The following ANTXR2 variants were observed in gnomAD, a reference collection of about 807,000 sequenced individuals.
The protein encoded by ANTXR2 is ANTXR cell adhesion molecule 2, also known as anthrax toxin receptor 2.
ANTXR2 carries 44 observed loss-of-function variants against 73.7 expected under a neutral mutation model. The observed-to-expected ratio is 0.60, with a 90% CI of 0.47 to 0.77. The LOEUF (loss-of-function observed/expected upper bound fraction) is 0.77. Ranked by LOEUF, ANTXR2 falls within the 30% of genes least tolerant of loss-of-function variation. The pLI, the probability that ANTXR2 is intolerant of heterozygous loss-of-function variation, is 0.00. For missense variants in ANTXR2, 604 were observed against 592.5 expected, an observed-to-expected ratio of 1.02 and a Z score of -0.20; for synonymous variants, 217 against 205.9, an observed-to-expected ratio of 1.05 and a Z score of -0.46.
chr4:79,948,348 A>C (rs1728586341), intron 16 of ANTXR2, among the ~76,000 whole-genome samples: 2 of 152,182 alleles, frequency 1.3e-5, no homozygotes, highest in Admixed American at 1.3e-4. Flanking sequence ...AAAAGCTGAC[A>C]TTTGAATCTG....
chr4:79,957,455 A>T (rs1300320876), intron 16 of ANTXR2, among the ~76,000 whole-genome samples: 3 of 152,126 alleles, frequency 2.0e-5, no homozygotes, highest in African/African-American at 7.2e-5. Flanking sequence ...ATGTATCTCA[A>T]AGCCAAATTT....
At chr4:79,985,208 G>A (rs937769418) in intron 12 of ANTXR2, among the ~76,000 whole-genome samples, 5 of 151,850 alleles carry the variant, frequency 3.3e-5, no homozygotes, top group African/African-American at 1.2e-4. Flanking sequence ...AAATTAGCCG[G>A]GCGTGGTGGC....
chr4:80,071,786 CT>C (rs1024597042), intron 1 of ANTXR2, 132 bp from the exon 2 acceptor site: 10 of 682,018 alleles, frequency 1.5e-5, no homozygotes, highest in Non-Finnish European at 2.5e-5. Context: ...GTAAGGGTAT[CT>C]GTAGCTGAAA....
rs1416390796 is a variant in ANTXR2 at position 79,907,027 on chromosome 4, A to C, written c.*402T>G. ...ATAAAAACACAAGTGCCATGTTTCC[A>C]TGTAAAAAACTCCTGTCTCCCATCA... On this transcript the variant is annotated 3_prime_UTR_variant, in exon 17 of 17. Transcript: ENST00000403729. The C allele has an allele frequency of 4.5e-6, 1 of 223,442 alleles. No homozygotes were observed. Among genetic ancestry groups the C allele is most frequent in the African/African-American group, 2.4e-5 (1 of 42,370 alleles). 13.8% of individuals were successfully genotyped at this position (223,442 alleles called of 1,614,324 possible). A position where few individuals can be genotyped will look rare whatever the true frequency, so the allele number is the denominator to read the frequency against.
At chr4:79,954,103 G>T (rs1728805094) in intron 16 of ANTXR2, among the ~76,000 whole-genome samples, 1 of 152,132 alleles carries the variant, frequency 6.6e-6, no homozygotes, top group African/African-American at 2.4e-5. Context: ...CCTATTTAAA[G>T]TTAGAGTTAA....
At chr4:80,024,993 T>C (rs889700674) in intron 10 of ANTXR2, among the ~76,000 whole-genome samples, 12 of 152,218 alleles carry the variant, frequency 7.9e-5, no homozygotes, top group Non-Finnish European at 1.5e-5. Flanking sequence ...TCTACACTGT[T>C]TAATATTTCT....
intron 7 of ANTXR2, among the ~76,000 whole-genome samples, chr4:80,038,685 T>C (rs1298023444): frequency 2.6e-5 from 4 of 152,002 alleles, no homozygotes; most frequent in African/African-American, 9.7e-5. Flanking sequence ...TTTAATAAAA[T>C]AAGTTTTTCT....
intron 12 of ANTXR2, among the ~76,000 whole-genome samples, chr4:79,993,513 C>T (rs567725017): frequency 6.6e-6 from 1 of 151,936 alleles, no homozygotes; most frequent in East Asian, 1.9e-4. Context: ...TTTTCAACTC[C>T]TCCAACGCAT....
intron 7 of ANTXR2, among the ~76,000 whole-genome samples, chr4:80,037,376 G>A (rs1733029169): frequency 6.6e-6 from 1 of 152,120 alleles, no homozygotes; most frequent in Non-Finnish European, 1.5e-5. Context: ...ATGGAACTTT[G>A]TTGCTGAATA....
At chr4:79,951,602 A>C (rs59176804) in intron 16 of ANTXR2, among the ~76,000 whole-genome samples, 16 of 141,114 alleles carry the variant, frequency 1.1e-4, no homozygotes, top group African/African-American at 3.2e-4. Flanking sequence ...AAAAAAAAAA[A>C]AACAACAAAA....
chr4:80,033,383 G>T, intron 9 of ANTXR2, 89 bp downstream of exon 9: 1 of 880,666 alleles, frequency 1.1e-6, no homozygotes, highest in Non-Finnish European at 1.7e-6. Flanking sequence ...AAATATGTCA[G>T]TTAGTTTTCG....
chr4:80,054,924 G>A (rs1444264445), intron 6 of ANTXR2, among the ~76,000 whole-genome samples: 3 of 151,484 alleles, frequency 2.0e-5, no homozygotes, highest in Non-Finnish European at 4.4e-5. Flanking sequence ...CCTTATATTA[G>A]TTTACCAAAC....
Position 79,902,055 on chromosome 4 carries a change from C to T in ANTXR2, c.*5374G>A, listed in dbSNP as rs1726726625. ...CCTGCTCTAGAAGACTAGTTCTTGCCTTCTTGCCAATTATTTCTAGTCAAA... is the reference window on the plus strand; with the variant it reads ...CCTGCTCTAGAAGACTAGTTCTTGCTTTCTTGCCAATTATTTCTAGTCAAA... On this transcript the variant is annotated 3_prime_UTR_variant, in exon 17 of 17. Transcript: ENST00000403729. The T allele has an allele frequency of 6.6e-6, 1 of 152,116 alleles. No individual in the cohort carries two copies. Among genetic ancestry groups the T allele is most frequent in the Non-Finnish European group, 1.5e-5 (1 of 68,016 alleles). The allele number at this position is 152,116 out of a possible 1,614,324, so 9.4% of individuals were successfully genotyped here.
chr4:79,984,078 A>G (rs1729999432), intron 13 of ANTXR2, 108 bp from the exon 14 acceptor site: 1 of 787,784 alleles, frequency 1.3e-6, no homozygotes, highest in East Asian at 2.8e-5. Flanking sequence ...ATTACTATGG[A>G]AAAAACTATG....
chr4:80,028,343 C>T (rs896836872), intron 10 of ANTXR2, among the ~76,000 whole-genome samples: 1 of 152,128 alleles, frequency 6.6e-6, no homozygotes, highest in Non-Finnish European at 1.5e-5. Context: ...CCTAGCTACT[C>T]GGCTACATTC....
chr4:80,000,808 GTTCAAATT>G (rs1428942952), intron 12 of ANTXR2, among the ~76,000 whole-genome samples: 1 of 152,006 alleles, frequency 6.6e-6, no homozygotes, highest in African/African-American at 2.4e-5. Context: ...TTAGTCAAAT[GTTCAAATT>G]CTTTGCTTTC....
At chr4:80,044,544 A>AC (rs1733427561) in intron 7 of ANTXR2, among the ~76,000 whole-genome samples, 1 of 151,970 alleles carries the variant, frequency 6.6e-6, no homozygotes, top group Non-Finnish European at 1.5e-5. Context: ...TCAAAATATT[A>AC]TTTAGGACCT....
chr4:80,012,663 G>A (rs1362107685), intron 11 of ANTXR2, among the ~76,000 whole-genome samples: 1 of 152,088 alleles, frequency 6.6e-6, no homozygotes, highest in Non-Finnish European at 1.5e-5. Context: ...AGACAGACGT[G>A]GGTTCAATTC....
chr4:80,056,860 T>C (rs1734021871), intron 3 of ANTXR2, among the ~76,000 whole-genome samples: 3 of 151,820 alleles, frequency 2.0e-5, no homozygotes. Context: ...ATTTTTAGAG[T>C]TTTTAAAATA....
Sources: gnomAD v4.1 joint callset for allele counts (sites outside exome capture counted in the v4.1 genomes callset) on GRCh38, gnomAD v4.1.1 for gene constraint, MANE v1.5 for transcripts, NCBI Gene and HGNC (gene_info 2026-07-23, HGNC 2026-07-21) for gene names.